Variants in NR1H3 observed in about 807,000 individuals in gnomAD.
NR1H3 encodes the protein nuclear receptor subfamily 1 group H member 3, also known as oxysterols receptor LXR-alpha.
Under a neutral mutation model 48.1 loss-of-function variants are expected in NR1H3, and 19 were observed. The ratio of observed to expected loss-of-function variants is 0.40; its 90% CI spans 0.28 to 0.58. The LOEUF (loss-of-function observed/expected upper bound fraction) is 0.58. Ranked by LOEUF, NR1H3 falls within the 20% of genes least tolerant of loss-of-function variation. The pLI, the probability that NR1H3 is intolerant of heterozygous loss-of-function variation, is 0.50. For synonymous variants in NR1H3, 232 were observed against 227.3 expected (o/e 1.02, Z -0.19); for missense variants, 486 against 595.9 (o/e 0.82, Z 1.92).
At chr11:47,264,639 T>C (rs945311566) in intron 7 of NR1H3, among the ~76,000 whole-genome samples, 43 of 152,228 alleles carry the variant, frequency 2.8e-4, no homozygotes, top group African/African-American at 9.6e-4. Context: ...CTAAGATCTT[T>C]GTATTCCTTT....
intron 1 of NR1H3, chr11:47,258,935 G>T: frequency 1.9e-6 from 1 of 513,974 alleles, no homozygotes; most frequent in Non-Finnish European, 3.2e-6. Flanking sequence ...CCACACTTTG[G>T]GAGGCCCAGG....
intron 1 of NR1H3, among the ~76,000 whole-genome samples, chr11:47,249,646 T>A (rs1398790215): frequency 6.6e-6 from 1 of 152,176 alleles, no homozygotes; most frequent in African/African-American, 2.4e-5. Flanking sequence ...ATGGCCCTCT[T>A]GGCATTGACC....
At chr11:47,252,742 T>G (rs1591059602) in intron 1 of NR1H3, among the ~76,000 whole-genome samples, 1 of 150,716 alleles carries the variant, frequency 6.6e-6, no homozygotes, top group African/African-American at 2.4e-5. Flanking sequence ...CCTGGCTAAT[T>G]TTTTTGGCTT....
upstream of NR1H3, among the ~76,000 whole-genome samples, chr11:47,255,549 CTTT>C (rs1955018305): frequency 3.6e-5 from 2 of 54,920 alleles, no homozygotes; most frequent in Admixed American, 4.0e-4. Flanking sequence ...CTTTTTCTTT[CTTT>C]CTTTCTTTCT....
intron 7 of NR1H3, among the ~76,000 whole-genome samples, chr11:47,263,878 C>T (rs1040501406): frequency 6.6e-5 from 10 of 152,272 alleles, no homozygotes; most frequent in African/African-American, 2.4e-4. Flanking sequence ...CCTGGGATTA[C>T]AGCCATGAGC....
intron 1 of NR1H3, among the ~76,000 whole-genome samples, chr11:47,252,091 T>C (rs1591055673): frequency 6.7e-6 from 1 of 149,460 alleles, no homozygotes; most frequent in Non-Finnish European, 1.5e-5. Flanking sequence ...CACATGTAGA[T>C]AGATGGATAT....
intron 7 of NR1H3, among the ~76,000 whole-genome samples, chr11:47,266,884 C>A (rs534234245): frequency 7.9e-5 from 12 of 151,510 alleles, no homozygotes; most frequent in Admixed American, 7.2e-4. Context: ...CAGGTGATCC[C>A]CCTGCCTCGG....
intron 1 of NR1H3, chr11:47,250,470 C>G (rs1274132330): frequency 6.6e-6 from 1 of 152,016 alleles, no homozygotes; most frequent in African/African-American, 2.4e-5. Context: ...TCCTAGGACT[C>G]CAGATTCAAT....
chr11:47,248,785 G>T, upstream of NR1H3: 1 of 1,593,172 alleles, frequency 6.3e-7, no homozygotes, highest in Non-Finnish European at 8.5e-7. Context: ...CCGCTTGCCC[G>T]CCATCACCGT....
chr11:47,257,575 G>A (rs1955304541), upstream of NR1H3: 1 of 871,214 alleles, frequency 1.1e-6, no homozygotes, highest in African/African-American at 1.8e-5. Context: ...AGGGAGGCTG[G>A]GAAAGCCGCT....
At chr11:47,248,414 A>T, upstream of NR1H3, 4 of 1,531,948 alleles carry the variant, frequency 2.6e-6, no homozygotes, top group Non-Finnish European at 1.8e-6. Flanking sequence ...TGGGGAAAAA[A>T]GATAACCAAA....
rs372282762 is a variant in NR1H3 at position 47,268,704 on chromosome 11, G to A, written c.*8G>A. The A allele has an allele frequency of 8.1e-6, 13 of 1,612,392 alleles. No homozygotes were observed. The African/African-American group carries it at 1.5e-4, about 18-fold the overall frequency. On this transcript the variant is annotated 3_prime_UTR_variant, in exon 10 of 10. Transcript: ENST00000441012. ...TGGGATGTGCACGAATGACTGTTCT[G>A]TCCCCATATTTTCTGTTTTCTTGGC... is the stretch of plus-strand genomic sequence containing the variant.
chr11:47,264,459 T>G (rs1166210191), intron 7 of NR1H3, among the ~76,000 whole-genome samples: 2 of 152,262 alleles, frequency 1.3e-5, no homozygotes, highest in East Asian at 1.9e-4. Flanking sequence ...GTGTGCTGCC[T>G]GGATGTATTG....
At position 47,259,916 on chromosome 11, in the gene NR1H3, G is replaced by A. The variant is rs760068704; in HGVS notation, c.169G>A (p.Gly57Arg). Reference protein sequence around the residue: ...PHSAGGTAGVGLEAAEPTALL... With the variant: ...PHSAGGTAGVRLEAAEPTALL... Reference sequence around the variant, plus strand: ...CTCTGCTGGGGGTACTGCAGGGGTGGGGCTGGAGGCTGCAGAGCCCACAGC... The same window carrying A: ...CTCTGCTGGGGGTACTGCAGGGGTGAGGCTGGAGGCTGCAGAGCCCACAGC... Residue 57 changes from glycine (G) to arginine (R), a missense_variant, in exon 3 of 10, where the codon GGG (glycine) becomes AGG (arginine). Physicochemically the swap from Gly to Arg is moderately radical, Grantham distance 125 (BLOSUM62 -2). Transcript: ENST00000441012. 6.2e-6 allele frequency: 10 copies of A among 1,609,150 alleles called. No individual in the cohort carries two copies. The Admixed American group carries it at 1.7e-4, about 27-fold the overall frequency.
Position 47,268,389 on chromosome 11 carries a change from C to T in NR1H3, c.1197+34C>T, listed in dbSNP as rs775664929. On this transcript the variant is annotated intron_variant, in intron 9 of 9. Coordinates refer to ENST00000441012, the MANE Select transcript of NR1H3 (RefSeq NM_005693.4). Reference sequence around the variant, plus strand: ...CCCCATGGTGTTCCTTTTCCTCCTTCCCACACACAGGCCCATTCCCTGACA... The same window carrying T: ...CCCCATGGTGTTCCTTTTCCTCCTTTCCACACACAGGCCCATTCCCTGACA... The T allele has an allele frequency of 9.3e-6, 15 of 1,604,670 alleles. No homozygotes were observed. The East Asian group carries it at 1.6e-4, about 17-fold the overall frequency.
At chr11:47,259,350 C>T (rs755937428) in intron 2 of NR1H3, 91 bp downstream of exon 2, 8 of 1,605,466 alleles carry the variant, frequency 5.0e-6, no homozygotes, top group Middle Eastern at 3.3e-4. Flanking sequence ...CTGCCTTCTT[C>T]CTTCCTCCAG....
At chr11:47,257,280 C>T (rs191303443), upstream of NR1H3, among the ~76,000 whole-genome samples, 2 of 152,288 alleles carry the variant, frequency 1.3e-5, no homozygotes, top group East Asian at 1.9e-4. Flanking sequence ...AGAGGCAACC[C>T]GCATACCTTC....
chr11:47,258,973 C>G, intron 1 of NR1H3: 1 of 874,702 alleles, frequency 1.1e-6, no homozygotes. Context: ...CCCAGGAATT[C>G]CTAGACTAGC....
upstream of NR1H3, chr11:47,248,450 C>T: frequency 6.5e-7 from 1 of 1,544,298 alleles, no homozygotes; most frequent in South Asian, 1.2e-5. Flanking sequence ...GAGTCTTAAC[C>T]ATTCAACCAC....
Sources: allele counts gnomAD v4.1 joint callset (sites outside exome capture counted in the v4.1 genomes callset), GRCh38; gene constraint gnomAD v4.1.1; transcripts MANE v1.5; gene names NCBI Gene and HGNC (gene_info 2026-07-23, HGNC 2026-07-21).